EBF2: variants seen among roughly 807,000 people sequenced by gnomAD.
EBF2 encodes EBF transcription factor 2.
A neutral mutation model predicts 72.8 loss-of-function variants in EBF2; 21 were observed. The observed-to-expected ratio is 0.29, with a 90% CI of 0.20 to 0.42. The LOEUF is 0.42. EBF2 is among the 10% of genes least tolerant of loss of function. The probability of loss-of-function intolerance (pLI) is 1.00; values close to 1 mark genes in which losing one functional copy is unlikely to be tolerated. For synonymous variants in EBF2, 299 were observed against 274.2 expected (o/e 1.09, Z -0.89); for missense variants, 637 against 731.2 (o/e 0.87, Z 1.49).
intron 6 of EBF2, among the ~76,000 whole-genome samples, chr8:26,028,288 A>C (rs1805335451): frequency 6.6e-6 from 1 of 152,232 alleles, no homozygotes; most frequent in Non-Finnish European, 1.5e-5. Context: ...ACAAAAACAC[A>C]TCAACACTTA....
At position 26,044,997 on chromosome 8, in the gene EBF2, G is replaced by GAAA; in HGVS notation, c.-141_-139dup. 7 of 653,466 alleles carry GAAA rather than the reference G, an allele frequency of 1.1e-5. No individual in the cohort carries two copies. The highest frequency in any genetic ancestry group is 1.4e-5 in the Non-Finnish European group (6 of 436,730). The allele number at this position is 653,466 out of a possible 1,614,324, so 40.5% of individuals were successfully genotyped here. ...ATCAAGTGCCCAAGTTTGAGTCTTAGAAAAAAAAAAAAGATAACCCGTCCT... is the reference window on the plus strand; with the variant it reads ...ATCAAGTGCCCAAGTTTGAGTCTTAGAAAAAAAAAAAAAAAGATAACCCGTCCT... On this transcript the variant is annotated 5_prime_UTR_variant, in exon 1 of 16. Coordinates refer to ENST00000520164, the MANE Select transcript of EBF2 (RefSeq NM_022659.4). The surrounding 1 kb of genome is among the most constrained non-coding windows in gnomAD (Gnocchi z 4.1).
chr8:25,876,357 G>A (rs1354069050), intron 10 of EBF2, among the ~76,000 whole-genome samples: 1 of 152,140 alleles, frequency 6.6e-6, no homozygotes, highest in East Asian at 1.9e-4. Flanking sequence ...AACCATCATG[G>A]CACATGTATA....
At chr8:25,954,227 G>A (rs1803907888) in intron 6 of EBF2, among the ~76,000 whole-genome samples, 1 of 152,210 alleles carries the variant, frequency 6.6e-6, no homozygotes, top group African/African-American at 2.4e-5. Flanking sequence ...GAGTAAGAGT[G>A]ATATCGGGCC....
chr8:25,880,305 C>T (rs1341773115), intron 10 of EBF2, among the ~76,000 whole-genome samples: 2 of 152,118 alleles, frequency 1.3e-5, no homozygotes, highest in Non-Finnish European at 1.5e-5. Flanking sequence ...TGTCTTTGGC[C>T]TCAATGTTCA....
At chr8:25,972,356 T>C (rs1804203804) in intron 6 of EBF2, among the ~76,000 whole-genome samples, 1 of 152,134 alleles carries the variant, frequency 6.6e-6, no homozygotes, top group African/African-American at 2.4e-5. Context: ...TCAGACTTCC[T>C]TCAGCAAACA....
At chr8:25,952,844 G>C (rs1316636893) in intron 6 of EBF2, among the ~76,000 whole-genome samples, 3 of 152,122 alleles carry the variant, frequency 2.0e-5, no homozygotes, top group Non-Finnish European at 2.9e-5. Flanking sequence ...ATAGAATGAG[G>C]CTTTGGGGTT....
intron 6 of EBF2, among the ~76,000 whole-genome samples, chr8:26,005,293 A>ATTATAT (rs1378946857): frequency 2.1e-3 from 5 of 2,328 alleles, no homozygotes; most frequent in Admixed American, 0.01. Flanking sequence ...ATAATTATAT[A>ATTATAT]ATTATATATA....
intron 7 of EBF2, among the ~76,000 whole-genome samples, chr8:25,902,474 CT>C (rs1010658799): frequency 9.9e-5 from 15 of 151,866 alleles, no homozygotes; most frequent in Non-Finnish European, 1.8e-4. Flanking sequence ...TTCCTTTTTT[CT>C]TTTGCTCTCT....
intron 6 of EBF2, chr8:26,032,873 C>T: frequency 1.8e-6 from 1 of 566,244 alleles, no homozygotes; most frequent in Non-Finnish European, 3.2e-6. Context: ...CTGGAAAAGA[C>T]TCCACCACAG....
At chr8:26,025,138 A>G in intron 6 of EBF2, among the ~76,000 whole-genome samples, 1 of 152,176 alleles carries the variant, frequency 6.6e-6, no homozygotes, top group African/African-American at 2.4e-5. Context: ...CCAGGTGGAA[A>G]TAGTGTATAC....
intron 5 of EBF2, 96 bp from the exon 6 acceptor site, chr8:26,033,249 G>T: frequency 2.5e-6 from 3 of 1,186,458 alleles, no homozygotes; most frequent in Non-Finnish European, 2.5e-6. Flanking sequence ...CCCAGACAGA[G>T]TCTGGCTCTG....
chr8:25,845,135 T>A (rs907122085), intron 15 of EBF2, among the ~76,000 whole-genome samples: 1 of 152,138 alleles, frequency 6.6e-6, no homozygotes, highest in African/African-American at 2.4e-5. Context: ...ATTTTTTTTT[T>A]AATTAGCTCA....
At chr8:26,024,706 G>T (rs764377097) in intron 6 of EBF2, among the ~76,000 whole-genome samples, 31 of 152,132 alleles carry the variant, frequency 2.0e-4, no homozygotes, top group Admixed American at 3.9e-4. Flanking sequence ...AGTGTCTGTA[G>T]CATCCAAGCC....
At chr8:25,848,731 A>G (rs557258790) in intron 15 of EBF2, among the ~76,000 whole-genome samples, 1 of 152,278 alleles carries the variant, frequency 6.6e-6, no homozygotes, top group African/African-American at 2.4e-5. Flanking sequence ...GCCAGGAATG[A>G]GGAAAGGGCT....
intron 6 of EBF2, among the ~76,000 whole-genome samples, chr8:25,985,459 T>C (rs964844123): frequency 6.6e-6 from 1 of 152,132 alleles, no homozygotes; most frequent in Non-Finnish European, 1.5e-5. Flanking sequence ...GCCAGGCACA[T>C]ACTTGAGAAC....
chr8:25,975,037 A>G (rs1804246991), intron 6 of EBF2, among the ~76,000 whole-genome samples: 1 of 152,220 alleles, frequency 6.6e-6, no homozygotes, highest in Non-Finnish European at 1.5e-5. Context: ...CAAAGAGATT[A>G]ATCAGAGACC....
intron 6 of EBF2, among the ~76,000 whole-genome samples, chr8:26,026,906 T>C (rs936000821): frequency 2.0e-5 from 3 of 152,184 alleles, no homozygotes; most frequent in Non-Finnish European, 4.4e-5. Context: ...TTATCAACCA[T>C]TGAGAATTAA....
At chr8:26,004,463 T>C (rs2117224116) in intron 6 of EBF2, among the ~76,000 whole-genome samples, 1 of 152,062 alleles carries the variant, frequency 6.6e-6, no homozygotes, top group Middle Eastern at 3.4e-3. Flanking sequence ...TTACATGAGG[T>C]CAGGAGTTCG....
At chr8:25,938,788 T>G (rs553370822) in intron 6 of EBF2, among the ~76,000 whole-genome samples, 1 of 152,194 alleles carries the variant, frequency 6.6e-6, no homozygotes, top group East Asian at 1.9e-4. Context: ...CCCTGTGATG[T>G]GGGGGGCCTC....
Sources: gnomAD v4.1 joint callset for allele counts (sites outside exome capture counted in the v4.1 genomes callset) on GRCh38, gnomAD v4.1.1 for gene constraint, Gnocchi (gnomAD v3.1) non-coding constraint, MANE v1.5 for transcripts, NCBI Gene and HGNC (gene_info 2026-07-23, HGNC 2026-07-21) for gene names.